HECW2: variants seen among roughly 807,000 people sequenced by gnomAD.
HECW2 encodes the protein E3 ubiquitin-protein ligase HECW2.
HECW2 carries 61 observed loss-of-function variants against 175.2 expected under a neutral mutation model. The ratio of observed to expected loss-of-function variants is 0.35; its 90% CI spans 0.28 to 0.43. The LOEUF is 0.43. Ranked by LOEUF, HECW2 falls within the 20% of genes least tolerant of loss-of-function variation. The pLI is 1.00. For synonymous variants in HECW2, 671 were observed against 731.0 expected (o/e 0.92, Z 1.32); for missense variants, 1,524 against 2,000.5 (o/e 0.76, Z 4.54).
At chr2:196,476,752 T>A (rs1686636339) in intron 1 of HECW2, among the ~76,000 whole-genome samples, 1 of 151,614 alleles carries the variant, frequency 6.6e-6, no homozygotes, top group South Asian at 2.1e-4. Flanking sequence ...TACTGATAAA[T>A]TCAGAAAAGA....
rs562658876 is a variant in HECW2 at position 196,409,533 on chromosome 2, T to C, written c.292+23599A>G. Among the ~76,000 whole-genome samples the C allele has an allele frequency of 9.2e-5, 14 of 152,286 alleles. 1 individual carries two copies. In the South Asian group the frequency reaches 2.5e-3, roughly 27 times the overall value. ...AGACCACAGTCTAGTGCTGTTTCAG[T>C]CTGATGCATTTGGCCAACGCACCAC... On this transcript the variant is annotated intron_variant, in intron 2 of 28. Transcript: ENST00000644978.
intron 17 of HECW2, among the ~76,000 whole-genome samples, chr2:196,264,372 T>C (rs1157572620): frequency 2.0e-5 from 3 of 152,196 alleles, no homozygotes; most frequent in African/African-American, 7.2e-5. Flanking sequence ...TTCATAAATA[T>C]AACAGAATGT....
At chr2:196,367,397 G>C (rs1012200407) in intron 2 of HECW2, among the ~76,000 whole-genome samples, 4 of 152,224 alleles carry the variant, frequency 2.6e-5, no homozygotes, top group Admixed American at 2.0e-4. Flanking sequence ...GGGTACATGA[G>C]ATACTTTGAT....
chr2:196,439,882 G>C (rs184532312), intron 1 of HECW2, among the ~76,000 whole-genome samples: 1 of 152,276 alleles, frequency 6.6e-6, no homozygotes, highest in Admixed American at 6.5e-5. Flanking sequence ...CAGCGCTGTT[G>C]GCAGAAGACG....
intron 1 of HECW2, among the ~76,000 whole-genome samples, chr2:196,456,693 G>C (rs768409626): frequency 6.6e-6 from 1 of 152,132 alleles, no homozygotes; most frequent in African/African-American, 2.4e-5. Context: ...CTTTTTTACT[G>C]CTCTTATGGG....
At chr2:196,521,522 T>G (rs1688386000) in intron 1 of HECW2, among the ~76,000 whole-genome samples, 1 of 151,900 alleles carries the variant, frequency 6.6e-6, no homozygotes, top group African/African-American at 2.4e-5. Context: ...AGGGTACATG[T>G]GCACATTGTG....
intron 2 of HECW2, among the ~76,000 whole-genome samples, chr2:196,405,402 C>G (rs1405652485): frequency 6.6e-6 from 1 of 152,170 alleles, no homozygotes; most frequent in Non-Finnish European, 1.5e-5. Context: ...GACGATATCA[C>G]ATGTCTACCT....
intron 13 of HECW2, among the ~76,000 whole-genome samples, chr2:196,301,699 T>A (rs1244343459): frequency 6.6e-6 from 1 of 151,790 alleles, no homozygotes; most frequent in Non-Finnish European, 1.5e-5. Flanking sequence ...TCTATTCATA[T>A]CCTCTGCCCA....
chr2:196,501,301 T>G (rs2125402629), intron 1 of HECW2, among the ~76,000 whole-genome samples: 1 of 152,328 alleles, frequency 6.6e-6, no homozygotes, highest in East Asian at 1.9e-4. Context: ...TTTTATTTTT[T>G]GAGACAGAGT....
At chr2:196,443,167 G>A (rs902138574) in intron 1 of HECW2, among the ~76,000 whole-genome samples, 6 of 152,114 alleles carry the variant, frequency 3.9e-5, no homozygotes, top group African/African-American at 9.7e-5. Context: ...GCATATGGAT[G>A]GGCAATTCTA....
intron 1 of HECW2, 24 bp downstream of exon 1, chr2:196,593,484 G>C (rs1472005933): frequency 5.9e-5 from 9 of 152,178 alleles, no homozygotes; most frequent in African/African-American, 2.2e-4. Context: ...GGTCCGCGGA[G>C]AGCGAAGAGT....
At chr2:196,292,481 T>G in intron 14 of HECW2, 84 bp downstream of exon 14, 2 of 1,178,176 alleles carry the variant, frequency 1.7e-6, no homozygotes, top group Non-Finnish European at 2.5e-6. Context: ...GCCTTGGCCC[T>G]CACTTGAAGG....
chr2:196,379,385 C>A (rs1344068018), intron 2 of HECW2, among the ~76,000 whole-genome samples: 4 of 152,060 alleles, frequency 2.6e-5, no homozygotes, highest in Admixed American at 2.6e-4. Flanking sequence ...ACACAGTACA[C>A]TTAAGATTAT....
intron 1 of HECW2, among the ~76,000 whole-genome samples, chr2:196,516,447 A>G (rs950582922): frequency 6.6e-6 from 1 of 152,146 alleles, no homozygotes; most frequent in Admixed American, 6.6e-5. Flanking sequence ...TGTAATTATA[A>G]TTTTTGTAAT....
chr2:196,294,223 A>G (rs1008496549), intron 13 of HECW2, among the ~76,000 whole-genome samples: 1 of 152,224 alleles, frequency 6.6e-6, no homozygotes, highest in African/African-American at 2.4e-5. Context: ...GAGTCAGTCA[A>G]TAAATATTTA....
chr2:196,442,472 A>G (rs917418871), intron 1 of HECW2, among the ~76,000 whole-genome samples: 9 of 152,204 alleles, frequency 5.9e-5, no homozygotes, highest in Admixed American at 5.9e-4. Flanking sequence ...TAAGGAAAGA[A>G]GCAGAGATGC....
chr2:196,428,762 C>T (rs375731965), intron 2 of HECW2, among the ~76,000 whole-genome samples: 30 of 152,152 alleles, frequency 2.0e-4, no homozygotes, highest in African/African-American at 6.5e-4. Flanking sequence ...GTAGTAACTA[C>T]CAAAGCAGCC....
chr2:196,253,984 T>A lies in HECW2; in HGVS notation c.3465A>T (p.Leu1155Phe). 1 of 1,613,810 alleles carries A rather than the reference T, an allele frequency of 6.2e-7. No individual in the cohort carries two copies. Among genetic ancestry groups the A allele is most frequent in the East Asian group, 2.2e-5 (1 of 44,864 alleles). ...GGGACTGACAGTAGCTGGGGTGGAGTAAGGCATGTGGAGGCACATACGACA... is the reference window on the plus strand; with the variant it reads ...GGGACTGACAGTAGCTGGGGTGGAGAAAGGCATGTGGAGGCACATACGACA... The part of the protein sequence containing the change: ...EIMSYVPPHA[L>F]LHPSYCQSPR... Residue 1155 changes from leucine to phenylalanine, a missense_variant, in exon 19 of 29, where the codon TTA (leucine) becomes TTT (phenylalanine). Around this residue, in one of 11 missense-constraint regions of HECW2, gnomAD observed 291 missense variants for 412.2 expected, o/e 0.71. Transcript: ENST00000644978.
At chr2:196,266,312 A>G (rs543270255) in intron 17 of HECW2, among the ~76,000 whole-genome samples, 73 of 151,970 alleles carry the variant, frequency 4.8e-4, no homozygotes, top group African/African-American at 1.8e-3. Context: ...GCGACACTAC[A>G]CTGCAGCCTG....
Sources: allele counts gnomAD v4.1 joint callset (sites outside exome capture counted in the v4.1 genomes callset), GRCh38; gene constraint gnomAD v4.1.1; regional missense constraint gnomAD v4.1.1; transcripts MANE v1.5; gene names NCBI Gene and HGNC (gene_info 2026-07-23, HGNC 2026-07-21).